PKIB: variants seen among roughly 807,000 people sequenced by gnomAD.
PKIB encodes the protein cAMP-dependent protein kinase inhibitor beta.
A neutral mutation model predicts 4.5 loss-of-function variants in PKIB; 2 were observed. The observed-to-expected ratio is 0.44, with a 90% CI of 0.18 to 1.39. PKIB has a LOEUF of 1.39. Ranked by LOEUF, PKIB falls within the 40% of genes most tolerant of loss-of-function variation. The pLI is 0.27. For missense variants in PKIB, 94 were observed against 92.6 expected (o/e 1.02, Z -0.06); for synonymous variants, 38 against 36.0 (o/e 1.06, Z -0.20).
chr6:122,590,035 G>C (rs543478931), intron 3 of PKIB, among the ~76,000 whole-genome samples: 6 of 152,030 alleles, frequency 3.9e-5, no homozygotes, highest in Admixed American at 2.0e-4. Context: ...AAAAAAATGA[G>C]TAAAAATCAG....
chr6:122,538,228 G>T (rs993237893), intron 2 of PKIB, among the ~76,000 whole-genome samples: 4 of 152,012 alleles, frequency 2.6e-5, no homozygotes, highest in African/African-American at 9.7e-5. Context: ...ATTGCTTTTG[G>T]TGTTTTAGAC....
intron 2 of PKIB, among the ~76,000 whole-genome samples, chr6:122,637,400 C>T (rs1426059313): frequency 6.6e-6 from 1 of 152,008 alleles, no homozygotes; most frequent in African/African-American, 2.4e-5. Context: ...TATTTTATCT[C>T]CTGAAGGCAC....
chr6:122,523,866 T>G (rs1009399531), intron 2 of PKIB, among the ~76,000 whole-genome samples: 11 of 152,016 alleles, frequency 7.2e-5, no homozygotes, highest in Admixed American at 7.2e-4. Context: ...TCCTTCGCCT[T>G]CTGCCACAAT....
At chr6:122,480,666 T>C (rs1775586798) in intron 2 of PKIB, 1 of 152,196 alleles carries the variant, frequency 6.6e-6, no homozygotes, top group African/African-American at 2.4e-5. Context: ...TTGATCTGTT[T>C]GATGGCTATG....
At chr6:122,594,569 T>C (rs1057443655) in intron 3 of PKIB, among the ~76,000 whole-genome samples, 5 of 152,210 alleles carry the variant, frequency 3.3e-5, no homozygotes, top group Non-Finnish European at 7.3e-5. Flanking sequence ...AAGGAAACGC[T>C]CATGACAATT....
intron 2 of PKIB, among the ~76,000 whole-genome samples, chr6:122,542,187 A>C (rs577107093): frequency 6.6e-6 from 1 of 152,000 alleles, no homozygotes; most frequent in South Asian, 2.1e-4. Flanking sequence ...TCAACTCGTC[A>C]AAGTCATTGT....
intron 2 of PKIB, among the ~76,000 whole-genome samples, chr6:122,559,466 C>G (rs1446010160): frequency 2.6e-5 from 4 of 151,960 alleles, no homozygotes; most frequent in Non-Finnish European, 5.9e-5. Flanking sequence ...AGTTTGAAAT[C>G]AGGTAGTGTG....
At chr6:122,698,377 G>T (rs1328030780) in intron 3 of PKIB, among the ~76,000 whole-genome samples, 1 of 152,132 alleles carries the variant, frequency 6.6e-6, no homozygotes, top group Non-Finnish European at 1.5e-5. Flanking sequence ...TCGCAAAGAG[G>T]TCTCATAGCT....
At chr6:122,546,025 T>A (rs1464357255) in intron 2 of PKIB, among the ~76,000 whole-genome samples, 1 of 151,834 alleles carries the variant, frequency 6.6e-6, no homozygotes, top group Non-Finnish European at 1.5e-5. Context: ...GAGCAGGGGT[T>A]TTCTCTTAAA....
At chr6:122,586,682 G>T (rs1037897280) in intron 3 of PKIB, among the ~76,000 whole-genome samples, 1 of 151,854 alleles carries the variant, frequency 6.6e-6, no homozygotes, top group Non-Finnish European at 1.5e-5. Flanking sequence ...TCTTTATTTC[G>T]CATGTGTGTG....
At chr6:122,697,799 A>G (rs1562307777) in intron 3 of PKIB, among the ~76,000 whole-genome samples, 1 of 152,222 alleles carries the variant, frequency 6.6e-6, no homozygotes, top group Non-Finnish European at 1.5e-5. Flanking sequence ...ATTCTGAGAC[A>G]TAAAATGAGT....
intron 2 of PKIB, among the ~76,000 whole-genome samples, chr6:122,581,080 T>C (rs1289667877): frequency 6.6e-6 from 1 of 152,192 alleles, no homozygotes; most frequent in Admixed American, 6.5e-5. Context: ...GACTTTTAGT[T>C]ATTGCACAGG....
At chr6:122,577,316 C>A (rs1046003577) in intron 2 of PKIB, among the ~76,000 whole-genome samples, 1 of 152,034 alleles carries the variant, frequency 6.6e-6, no homozygotes, top group African/African-American at 2.4e-5. Context: ...GGATGAGGGA[C>A]GCAGGGTTGG....
chr6:122,624,001 T>C (rs1272120816), intron 1 of PKIB, among the ~76,000 whole-genome samples: 1 of 152,166 alleles, frequency 6.6e-6, no homozygotes, highest in African/African-American at 2.4e-5. Flanking sequence ...TCCTAACAAC[T>C]CTATGTGGTA....
chr6:122,618,984 G>A (rs1265491535), intron 1 of PKIB, among the ~76,000 whole-genome samples: 1 of 152,096 alleles, frequency 6.6e-6, no homozygotes, highest in Non-Finnish European at 1.5e-5. Flanking sequence ...TTAGAAATCA[G>A]TGGGAAAATA....
At chr6:122,650,726 C>T (rs1776519991) in intron 2 of PKIB, among the ~76,000 whole-genome samples, 1 of 152,064 alleles carries the variant, frequency 6.6e-6, no homozygotes, top group South Asian at 2.1e-4. Flanking sequence ...GTGCTGGGGC[C>T]CCCCTCACAA....
At chr6:122,559,257 A>G (rs537890214) in intron 2 of PKIB, among the ~76,000 whole-genome samples, 1 of 151,774 alleles carries the variant, frequency 6.6e-6, no homozygotes, top group Admixed American at 6.6e-5. Flanking sequence ...GCCAACAAAT[A>G]TATACATAAA....
chr6:122,661,140 C>T (rs1776970403), intron 2 of PKIB, among the ~76,000 whole-genome samples: 1 of 152,040 alleles, frequency 6.6e-6, no homozygotes, highest in South Asian at 2.1e-4. Context: ...ACACCGTAAT[C>T]CTCCCTCAGA....
rs534508291 is a variant in PKIB, at chr6:122,702,196, GAACAAAA to G, written c.-8-15590_-8-15584del. ...TCCAACTGTGTAGTCTATGTAATCC[GAACAAAA>G]GTCATGCTGAGAATATAAGGCTACC... On this transcript the variant is annotated intron_variant, in intron 3 of 4. Coordinates refer to ENST00000368452, the MANE Select transcript of PKIB (RefSeq NM_181795.3). 1.7e-3 allele frequency among the ~76,000 whole-genome samples: 251 copies of G among 151,960 alleles called. 2 individuals carry two copies. The highest frequency in any genetic ancestry group is 5.8e-3 in the African/African-American group (239 of 41,440).
Sources: allele counts gnomAD v4.1 joint callset (sites outside exome capture counted in the v4.1 genomes callset), GRCh38; gene constraint gnomAD v4.1.1; transcripts MANE v1.5; gene names NCBI Gene and HGNC (gene_info 2026-07-23, HGNC 2026-07-21).